Variants in KCTD19 observed in about 807,000 individuals in gnomAD.
The protein encoded by KCTD19 is BTB/POZ domain-containing protein KCTD19.
In KCTD19, 67 loss-of-function variants were observed where a neutral mutation model predicts 103.5. The observed-to-expected ratio is 0.65, with a 90% CI of 0.53 to 0.79. The LOEUF is 0.79. Ranked by LOEUF, KCTD19 falls within the 30% of genes least tolerant of loss-of-function variation. KCTD19 has a pLI of 0.00. For missense variants in KCTD19, 980 were observed against 1,136.1 expected (o/e 0.86, Z 1.98); for synonymous variants, 439 against 452.2 (o/e 0.97, Z 0.37).
chr16:67,289,689 G>T lies in KCTD19; in HGVS notation c.2668-7C>A, dbSNP rs780696174. 2 of 1,600,292 alleles carry T rather than the reference G, an allele frequency of 1.2e-6. No homozygotes were observed. The highest frequency in any genetic ancestry group is 2.2e-5 in the South Asian group (2 of 90,770). ...TGGCGAAGGGCAGTGTAAGCTGGAA[G>T]GAAAGGCCAGTCTTATCCCTGATTT... On this transcript the variant is annotated splice_region_variant and splice_polypyrimidine_tract_variant and intron_variant, in intron 15 of 15. Transcript: ENST00000304372.
At chr16:67,314,580 ATTTG>A (rs1211464234) in intron 2 of KCTD19, among the ~76,000 whole-genome samples, 2 of 151,290 alleles carry the variant, frequency 1.3e-5, no homozygotes, top group Non-Finnish European at 2.9e-5. Context: ...TTATTTATTT[ATTTG>A]TTTGTTTGTT....
At position 67,320,746 on chromosome 16, in the gene KCTD19, G is replaced by C; in HGVS notation, c.143C>G (p.Ser48Cys). The change falls in exon 2 of 16, where the codon TCT (serine) becomes TGT (cysteine). Residue 48 changes from serine (S) to cysteine (C), a missense_variant. By Grantham distance (112) the Ser-to-Cys change is moderately radical. Transcript: ENST00000304372. This position sits in a 1 kb window ranked among gnomAD's most constrained non-coding sequence, Gnocchi z 4.0. ...LLWKEASALT[S>C]SESQRLFIDR... is the part of the protein sequence containing the mutation. ...GATAAATAGCCTCTGGCTTTCTGAAGAGGTCAAGGCTGAAGCCTCTTTCCA... is the reference window on the plus strand; with the variant it reads ...GATAAATAGCCTCTGGCTTTCTGAACAGGTCAAGGCTGAAGCCTCTTTCCA... 6.2e-7 allele frequency: 1 copy of C among 1,614,176 alleles called. No individual in the cohort carries two copies. The highest frequency in any genetic ancestry group is 8.5e-7 in the Non-Finnish European group (1 of 1,180,026).
intron 13 of KCTD19, 69 bp downstream of exon 13, chr16:67,291,577 G>A (rs760401820): frequency 3.8e-6 from 6 of 1,572,896 alleles, no homozygotes; most frequent in Non-Finnish European, 5.2e-6. Context: ...TCTGCCTGAA[G>A]TACCCTGGGA....
Position 67,291,056 on chromosome 16 carries a change from G to A in KCTD19, c.2566-70C>T, listed in dbSNP as rs540563504. The A allele has an allele frequency of 5.3e-6, 8 of 1,519,684 alleles. No individual in the cohort carries two copies. The East Asian group carries it at 1.9e-4, about 36-fold the overall frequency. 94.1% of individuals were successfully genotyped at this position (1,519,684 alleles called of 1,614,324 possible). On this transcript the variant is annotated intron_variant, in intron 14 of 15. Coordinates refer to ENST00000304372, the MANE Select transcript of KCTD19 (RefSeq NM_001100915.3). Reference sequence around the variant, plus strand: ...GCCCCTCAGAGTGAGATGCAGAGCGGGGACTTCTCTGGGCCCACAGAGCCA... The same window carrying A: ...GCCCCTCAGAGTGAGATGCAGAGCGAGGACTTCTCTGGGCCCACAGAGCCA...
At position 67,300,624 on chromosome 16, in the gene KCTD19, G is replaced by C. The variant is rs1250033024; in HGVS notation, c.776-1051C>G. ...TGGGACAGGGTCCTGAGACCTGCTGGAGCATGCCACTCCCCACAAAGAGGA... is the reference window on the plus strand; with the variant it reads ...TGGGACAGGGTCCTGAGACCTGCTGCAGCATGCCACTCCCCACAAAGAGGA... On this transcript the variant is annotated intron_variant, in intron 5 of 15. Coordinates refer to ENST00000304372, the MANE Select transcript of KCTD19 (RefSeq NM_001100915.3). This position sits in a 1 kb window ranked among gnomAD's most constrained non-coding sequence, Gnocchi z 4.5. 6.6e-6 allele frequency: 1 copy of C among 152,410 alleles called. No individual in the cohort carries two copies. Among genetic ancestry groups the C allele is most frequent in the Non-Finnish European group, 1.5e-5 (1 of 68,228 alleles). The allele number at this position is 152,410 out of a possible 1,614,324, so 9.4% of individuals were successfully genotyped here.
At chr16:67,294,319 C>T (rs889553526) in intron 11 of KCTD19, 148 bp from the exon 12 acceptor site, 4 of 949,470 alleles carry the variant, frequency 4.2e-6, no homozygotes, top group African/African-American at 1.6e-5. Flanking sequence ...TTGAGCTTTG[C>T]TCAGGCTGAG....
At chr16:67,297,741 C>T (rs1330559319) in intron 6 of KCTD19, 78 bp from the exon 7 acceptor site, 4 of 1,413,376 alleles carry the variant, frequency 2.8e-6, no homozygotes, top group Non-Finnish European at 2.9e-6. Flanking sequence ...CTTTCCATGC[C>T]TAGGATGCCT....
At chr16:67,294,220 C>G (rs777429162) in intron 11 of KCTD19, 49 bp from the exon 12 acceptor site, 3 of 1,539,346 alleles carry the variant, frequency 1.9e-6, no homozygotes, top group Non-Finnish European at 1.8e-6. Context: ...GCATGGACAT[C>G]AACGCCTTGC....
chr16:67,307,948 C>G (rs930405338), intron 2 of KCTD19, among the ~76,000 whole-genome samples: 3 of 152,158 alleles, frequency 2.0e-5, no homozygotes, highest in Admixed American at 2.0e-4. Context: ...CTTCCCTCCC[C>G]CTACTTTTCC....
rs756268192 is a variant in KCTD19, at chr16:67,326,713, C to T, written c.-6G>A. 127 of 1,576,456 alleles carry T rather than the reference C, an allele frequency of 8.1e-5. No individual in the cohort carries two copies. The Admixed American group carries it at 2.2e-3, about 27-fold the overall frequency. ...CAGAGCGGGCTCCGTACCATGGTCG[C>T]GGCTCCAGCAGCGGGCGGGCGGGCT... On this transcript the variant is annotated 5_prime_UTR_variant, in exon 1 of 16. Transcript: ENST00000304372.
At chr16:67,312,955 A>G (rs897090924) in intron 2 of KCTD19, among the ~76,000 whole-genome samples, 1 of 152,190 alleles carries the variant, frequency 6.6e-6, no homozygotes, top group Non-Finnish European at 1.5e-5. Flanking sequence ...AAGGCCTGAC[A>G]GTAAATATTT....
intron 1 of KCTD19, chr16:67,321,522 CTG>C (rs2037072398): frequency 6.6e-6 from 1 of 152,178 alleles, no homozygotes; most frequent in South Asian, 2.1e-4. Context: ...AACACAATCT[CTG>C]TGAAAATCCT....
rs929109519 is a variant in KCTD19 at position 67,300,130 on chromosome 16, C to T, written c.776-557G>A. Reference sequence around the variant, plus strand: ...GGTACAGTCCAGAGAATACAGTTATCACAGCCTTCAGGACCCTGCTCCCGT... The same window carrying T: ...GGTACAGTCCAGAGAATACAGTTATTACAGCCTTCAGGACCCTGCTCCCGT... On this transcript the variant is annotated intron_variant, in intron 5 of 15. Transcript: ENST00000304372. The surrounding 1 kb of genome is among the most constrained non-coding windows in gnomAD (Gnocchi z 4.5). 1.3e-5 allele frequency: 2 copies of T among 153,152 alleles called. No homozygotes were observed. The highest frequency in any genetic ancestry group is 2.9e-5 in the Non-Finnish European group (2 of 68,784). The allele number at this position is 153,152 out of a possible 1,614,324, so 9.5% of individuals were successfully genotyped here.
Position 67,294,282 on chromosome 16 carries a change from A to G in KCTD19, c.1591-111T>C. ...AGACTTCACTTGCTCTCCCTGAACAATCCCATCCCTGACAGGGGTCACCCA... is the reference window on the plus strand; with the variant it reads ...AGACTTCACTTGCTCTCCCTGAACAGTCCCATCCCTGACAGGGGTCACCCA... On this transcript the variant is annotated intron_variant, in intron 11 of 15. Transcript: ENST00000304372. The G allele has an allele frequency of 3.4e-6, 4 of 1,188,578 alleles. No individual in the cohort carries two copies. The East Asian group carries it at 9.4e-5, about 28-fold the overall frequency. 73.6% of individuals were successfully genotyped at this position (1,188,578 alleles called of 1,614,324 possible). A position where few individuals can be genotyped will look rare whatever the true frequency, so the allele number is the denominator to read the frequency against.
intron 2 of KCTD19, 90 bp from the exon 3 acceptor site, chr16:67,304,661 GACTT>G (rs1347582266): frequency 2.5e-6 from 3 of 1,194,622 alleles, no homozygotes; most frequent in Non-Finnish European, 3.6e-6. Flanking sequence ...AACAGTATGT[GACTT>G]ACTTTTTTTT....
At chr16:67,301,658 G>A (rs2036835332) in intron 5 of KCTD19, 133 bp downstream of exon 5, 4 of 809,400 alleles carry the variant, frequency 4.9e-6, no homozygotes, top group Non-Finnish European at 8.0e-6. Context: ...CTTGGATTCA[G>A]AGTCAGCCAG....
Position 67,297,534 on chromosome 16 carries a change from C to T in KCTD19, c.1116G>A (p.Glu372=). The change falls in exon 7 of 16, where the codon GAG becomes GAA. Residue 372 remains glutamate (E), a synonymous_variant. Coordinates refer to ENST00000304372, the MANE Select transcript of KCTD19 (RefSeq NM_001100915.3). ...PIKVALKTHL[E]PRTLAPMDVL... ...CATCCATGGGTGCCAAAGTCCTTGG[C>T]TCCAGATGAGTCTTCAAAGCAACTT... 1 of 1,614,140 alleles carries T rather than the reference C, an allele frequency of 6.2e-7. No individual in the cohort carries two copies. The highest frequency in any genetic ancestry group is 8.5e-7 in the Non-Finnish European group (1 of 1,180,018).
At position 67,320,962 on chromosome 16, in the gene KCTD19, A is replaced by T; in HGVS notation, c.4-77T>A. 1 of 1,239,032 alleles carries T rather than the reference A, an allele frequency of 8.1e-7. No individual in the cohort carries two copies. The highest frequency in any genetic ancestry group is 1.1e-6 in the Non-Finnish European group (1 of 893,348). The allele number at this position is 1,239,032 out of a possible 1,614,324, so 76.8% of individuals were successfully genotyped here. A position where few individuals can be genotyped will look rare whatever the true frequency, so the allele number is the denominator to read the frequency against. ...ATCCAGATTGAAAAGGTAGAAATAA[A>T]CTATCTCTGTTTGCTGATGACATGA... On this transcript the variant is annotated intron_variant, in intron 1 of 15. Transcript: ENST00000304372. This position sits in a 1 kb window ranked among gnomAD's most constrained non-coding sequence, Gnocchi z 4.0.
At chr16:67,290,851 C>T (rs545628929) in intron 15 of KCTD19, 34 bp downstream of exon 15, 128 of 1,565,086 alleles carry the variant, frequency 8.2e-5, no homozygotes, top group Non-Finnish European at 1.0e-4. Context: ...TCCACAGGGT[C>T]GGTGGATTCC....
Sources: gnomAD v4.1 joint callset for allele counts (sites outside exome capture counted in the v4.1 genomes callset) on GRCh38, gnomAD v4.1.1 for gene constraint, Gnocchi (gnomAD v3.1) non-coding constraint, MANE v1.5 for transcripts, NCBI Gene and HGNC (gene_info 2026-07-23, HGNC 2026-07-21) for gene names.